MATCAP2: variants seen among roughly 807,000 people sequenced by gnomAD.
MATCAP2 encodes microtubule associated tyrosine carboxypeptidase 2.
chr7:36,346,280 C>T, the MATCAP2 span, among the ~76,000 whole-genome samples: 1 of 152,164 alleles, frequency 6.6e-6, no homozygotes, highest in Non-Finnish European at 1.5e-5. Flanking sequence ...AAGTCCACTA[C>T]TAGATGTGGA....
the MATCAP2 span, among the ~76,000 whole-genome samples, chr7:36,386,142 G>A: frequency 1.1e-4 from 16 of 151,752 alleles, no homozygotes; most frequent in Admixed American, 3.3e-4. Context: ...GCGAAAGAGC[G>A]AGACCCTGTC....
At chr7:36,353,332 AT>A in the MATCAP2 span, among the ~76,000 whole-genome samples, 1 of 152,172 alleles carries the variant, frequency 6.6e-6, no homozygotes, top group Non-Finnish European at 1.5e-5. Flanking sequence ...CAGGTGAGCA[AT>A]TGTTAATATG....
the MATCAP2 span, chr7:36,335,078 T>C: frequency 1.2e-6 from 2 of 1,613,852 alleles, no homozygotes; most frequent in Non-Finnish European, 8.5e-7. Context: ...CTCCAGCCAA[T>C]GCTCACGTGC....
At chr7:36,389,822 G>A in the MATCAP2 span, 5 of 959,624 alleles carry the variant, frequency 5.2e-6, no homozygotes, top group Non-Finnish European at 7.7e-6. Flanking sequence ...CATGCTCGCG[G>A]CTCGGCGCTG....
the MATCAP2 span, among the ~76,000 whole-genome samples, chr7:36,339,677 T>C: frequency 6.6e-6 from 1 of 152,200 alleles, no homozygotes; most frequent in Non-Finnish European, 1.5e-5. Flanking sequence ...ACTAACCTAA[T>C]AGTCACCAGT....
At chr7:36,341,221 G>A in the MATCAP2 span, among the ~76,000 whole-genome samples, 1 of 152,136 alleles carries the variant, frequency 6.6e-6, no homozygotes, top group South Asian at 2.1e-4. Flanking sequence ...CACTTTTAGA[G>A]GCAATAAATT....
the MATCAP2 span, among the ~76,000 whole-genome samples, chr7:36,366,063 AAT>A: frequency 2.6e-5 from 4 of 152,338 alleles, no homozygotes; most frequent in East Asian, 7.7e-4. Context: ...CTCACAGAAA[AAT>A]AGTCTGGTAG....
At chr7:36,350,473 A>G in the MATCAP2 span, among the ~76,000 whole-genome samples, 588 of 152,158 alleles carry the variant, frequency 3.9e-3, 2 homozygotes, top group Non-Finnish European at 6.1e-3. Context: ...CAAAATGGCA[A>G]TCCAAGGGGA....
At chr7:36,336,409 T>A in the MATCAP2 span, 1 of 900,580 alleles carries the variant, frequency 1.1e-6, no homozygotes, top group Non-Finnish European at 1.6e-6. Flanking sequence ...ATTTCCAAAT[T>A]AAACTGCAAC....
chr7:36,365,976 A>G, the MATCAP2 span, among the ~76,000 whole-genome samples: 1 of 152,240 alleles, frequency 6.6e-6, no homozygotes, highest in East Asian at 1.9e-4. Context: ...TATAACACTG[A>G]ACGTGAAATA....
At chr7:36,341,681 T>C in the MATCAP2 span, among the ~76,000 whole-genome samples, 2 of 152,094 alleles carry the variant, frequency 1.3e-5, no homozygotes, top group South Asian at 2.1e-4. Context: ...GGTGGGATGA[T>C]CACCTGAGGC....
chr7:36,337,046 C>A, the MATCAP2 span, among the ~76,000 whole-genome samples: 2 of 135,260 alleles, frequency 1.5e-5, no homozygotes, highest in Admixed American at 1.7e-4. Flanking sequence ...GGTGGTGAGC[C>A]GAGATCGCGC....
the MATCAP2 span, among the ~76,000 whole-genome samples, chr7:36,347,975 A>G: frequency 6.6e-6 from 1 of 152,144 alleles, no homozygotes; most frequent in South Asian, 2.1e-4. Context: ...AGGCCAAATT[A>G]TAGTTTGGAA....
the MATCAP2 span, among the ~76,000 whole-genome samples, chr7:36,372,429 G>A: frequency 6.6e-6 from 1 of 152,326 alleles, no homozygotes; most frequent in East Asian, 1.9e-4. Context: ...TATATCAAGA[G>A]AATGGAATGT....
chr7:36,357,033 T>C, the MATCAP2 span: 1 of 1,614,162 alleles, frequency 6.2e-7, no homozygotes, highest in Non-Finnish European at 8.5e-7. Flanking sequence ...TTCTCTAAGT[T>C]GGTGGGTTTT....
At chr7:36,365,438 G>A in the MATCAP2 span, among the ~76,000 whole-genome samples, 1 of 152,182 alleles carries the variant, frequency 6.6e-6, no homozygotes, top group Non-Finnish European at 1.5e-5. Context: ...AGTGGTTCAT[G>A]CCTATAATCC....
chr7:36,331,304 C>A, the MATCAP2 span, among the ~76,000 whole-genome samples: 1 of 152,186 alleles, frequency 6.6e-6, no homozygotes, highest in Non-Finnish European at 1.5e-5. Flanking sequence ...CTTCTCCTCA[C>A]ACATCCTCCC....
the MATCAP2 span, chr7:36,333,917 G>A: frequency 3.7e-6 from 6 of 1,613,994 alleles, no homozygotes; most frequent in African/African-American, 6.7e-5. Flanking sequence ...ATCTTGTATT[G>A]GGGTCCTTGA....
At chr7:36,348,079 T>C in the MATCAP2 span, among the ~76,000 whole-genome samples, 9 of 152,334 alleles carry the variant, frequency 5.9e-5, no homozygotes, top group African/African-American at 2.2e-4. Flanking sequence ...TTCCAACACG[T>C]ATGGCTCCTT....
Sources: allele counts gnomAD v4.1 joint callset (sites outside exome capture counted in the v4.1 genomes callset), GRCh38; gene constraint gnomAD v4.1.1; transcripts MANE v1.5; gene names NCBI Gene and HGNC (gene_info 2026-07-23, HGNC 2026-07-21).